Variants in MACROD2 observed in about 807,000 individuals in gnomAD.
The protein encoded by MACROD2 is ADP-ribose glycohydrolase MACROD2.
Under a neutral mutation model 70.4 loss-of-function variants are expected in MACROD2, and 36 were observed. The observed-to-expected ratio is 0.51, with a 90% CI of 0.39 to 0.68. The LOEUF is 0.68. Ranked by LOEUF, MACROD2 falls within the 30% of genes least tolerant of loss-of-function variation. MACROD2 has a pLI of 0.00. For missense variants in MACROD2, 496 were observed against 538.4 expected (o/e 0.92, Z 0.78); for synonymous variants, 172 against 178.8 (o/e 0.96, Z 0.30).
At chr20:15,484,980 G>A (rs2047145767) in intron 7 of MACROD2, among the ~76,000 whole-genome samples, 2 of 152,196 alleles carry the variant, frequency 1.3e-5, no homozygotes, top group South Asian at 4.2e-4. Flanking sequence ...CTTCTTCGAA[G>A]GATCTAAAGA....
At chr20:14,474,395 GTGGTCTATCC>G (rs2123054380) in intron 3 of MACROD2, among the ~76,000 whole-genome samples, 1 of 152,230 alleles carries the variant, frequency 6.6e-6, no homozygotes, top group South Asian at 2.1e-4. Flanking sequence ...AGTCTAACAT[GTGGTCTATCC>G]TGGAAAATGT....
At chr20:15,029,412 G>A (rs1478752868) in intron 5 of MACROD2, among the ~76,000 whole-genome samples, 1 of 152,196 alleles carries the variant, frequency 6.6e-6, no homozygotes, top group Admixed American at 6.5e-5. Context: ...ATTCTCCAAT[G>A]ACTTGGAGGG....
intron 8 of MACROD2, among the ~76,000 whole-genome samples, chr20:15,510,724 G>A (rs984745242): frequency 3.3e-5 from 5 of 152,308 alleles, no homozygotes; most frequent in Admixed American, 3.3e-4. Context: ...ATGGCTCAAT[G>A]GAAAACATAC....
intron 4 of MACROD2, among the ~76,000 whole-genome samples, chr20:14,666,610 A>G (rs567625040): frequency 6.6e-6 from 1 of 152,214 alleles, no homozygotes; most frequent in East Asian, 1.9e-4. Context: ...GAGATTTCAT[A>G]CAAGTGACAC....
At chr20:15,154,753 G>A (rs996631809) in intron 5 of MACROD2, among the ~76,000 whole-genome samples, 3 of 152,168 alleles carry the variant, frequency 2.0e-5, no homozygotes, top group South Asian at 2.1e-4. Context: ...ACTTCCCAAA[G>A]GCTCCACCTC....
intron 3 of MACROD2, among the ~76,000 whole-genome samples, chr20:14,144,237 T>C (rs1327888741): frequency 2.6e-5 from 4 of 152,218 alleles, no homozygotes; most frequent in African/African-American, 9.6e-5. Context: ...AATTTTTTGA[T>C]AAGTGGAAAT....
intron 6 of MACROD2, among the ~76,000 whole-genome samples, chr20:15,310,899 A>T (rs2077745578): frequency 6.6e-6 from 1 of 152,228 alleles, no homozygotes; most frequent in Non-Finnish European, 1.5e-5. Flanking sequence ...AGTTTATGTG[A>T]TCAAAGACAT....
intron 15 of MACROD2, among the ~76,000 whole-genome samples, chr20:15,993,036 A>G (rs1216752580): frequency 2.0e-5 from 3 of 150,428 alleles, no homozygotes; most frequent in Non-Finnish European, 4.4e-5. Context: ...GATAGTGAGT[A>G]TAATTATTAA....
At chr20:14,249,487 C>T (rs1360886300) in intron 3 of MACROD2, among the ~76,000 whole-genome samples, 1 of 151,922 alleles carries the variant, frequency 6.6e-6, no homozygotes, top group Non-Finnish European at 1.5e-5. Flanking sequence ...CGTCTTGGTT[C>T]TGCCTGCATA....
intron 6 of MACROD2, among the ~76,000 whole-genome samples, chr20:15,246,548 C>G (rs768048369): frequency 6.6e-6 from 1 of 151,964 alleles, no homozygotes; most frequent in Non-Finnish European, 1.5e-5. Context: ...AAGATCTTCC[C>G]TTAATCAAAT....
At chr20:14,751,236 A>T (rs1180514896) in intron 5 of MACROD2, among the ~76,000 whole-genome samples, 9 of 151,948 alleles carry the variant, frequency 5.9e-5, no homozygotes, top group Non-Finnish European at 1.3e-4. Flanking sequence ...CTTAATGTGA[A>T]ATCCCATTAC....
chr20:15,540,417 GA>G (rs1386660028), intron 8 of MACROD2, among the ~76,000 whole-genome samples: 1 of 152,348 alleles, frequency 6.6e-6, no homozygotes, highest in Non-Finnish European at 1.5e-5. Flanking sequence ...CAAGGAATCA[GA>G]AGAGAAGGAA....
rs570643241 is a variant in MACROD2 at position 14,745,051 on chromosome 20, G to A, written c.418+60092G>A. 7.6e-4 allele frequency among the ~76,000 whole-genome samples: 115 copies of A among 152,266 alleles called. 1 individual carries two copies. The highest frequency in any genetic ancestry group is 1.3e-3 in the Non-Finnish European group (88 of 67,992). On this transcript the variant is annotated intron_variant, in intron 5 of 17. Transcript: ENST00000684519. The stretch of plus-strand genomic sequence containing the variant: ...TTCCTCCAGCAATCATAAGGAGGTA[G>A]CATTAGCTATCCTATATTAGATTTC...
intron 8 of MACROD2, among the ~76,000 whole-genome samples, chr20:15,561,666 T>C (rs578184534): frequency 4.1e-4 from 63 of 152,240 alleles, no homozygotes; most frequent in African/African-American, 1.4e-3. Flanking sequence ...ATGGTTAGGG[T>C]AGATTTTTTA....
At chr20:14,524,221 T>A (rs2085203852) in intron 4 of MACROD2, among the ~76,000 whole-genome samples, 1 of 152,192 alleles carries the variant, frequency 6.6e-6, no homozygotes, top group Non-Finnish European at 1.5e-5. Context: ...AAATCTTTCC[T>A]TCAACTTATT....
At chr20:14,667,198 A>G (rs185625538) in intron 4 of MACROD2, among the ~76,000 whole-genome samples, 144 of 152,192 alleles carry the variant, frequency 9.5e-4, no homozygotes, top group Non-Finnish European at 4.3e-4. Context: ...GTGATCATTC[A>G]TTCCCTGAGG....
chr20:16,024,193 T>C (rs2067044282), intron 15 of MACROD2, among the ~76,000 whole-genome samples: 1 of 152,156 alleles, frequency 6.6e-6, no homozygotes, highest in Admixed American at 6.5e-5. Flanking sequence ...TTCATACAAG[T>C]GTGGTTCATA....
At chr20:15,891,259 G>A (rs1404339308) in intron 10 of MACROD2, among the ~76,000 whole-genome samples, 1 of 152,142 alleles carries the variant, frequency 6.6e-6, no homozygotes, top group Non-Finnish European at 1.5e-5. Flanking sequence ...TCTGAGGCAG[G>A]AACCAGCCTA....
intron 7 of MACROD2, among the ~76,000 whole-genome samples, chr20:15,436,047 C>A (rs950477481): frequency 6.6e-6 from 1 of 152,054 alleles, no homozygotes; most frequent in Non-Finnish European, 1.5e-5. Context: ...TTTGGTTAGT[C>A]CCCCTGGGGT....
Sources: gnomAD v4.1 joint callset for allele counts (sites outside exome capture counted in the v4.1 genomes callset) on GRCh38, gnomAD v4.1.1 for gene constraint, MANE v1.5 for transcripts, NCBI Gene and HGNC (gene_info 2026-07-23, HGNC 2026-07-21) for gene names.